The following SLC22A23 variants were observed in gnomAD, a reference collection of about 807,000 sequenced individuals.
SLC22A23 encodes the protein solute carrier family 22 member 23.
A neutral mutation model predicts 61.0 loss-of-function variants in SLC22A23; 26 were observed. The ratio of observed to expected loss-of-function variants is 0.43; its 90% CI spans 0.31 to 0.59. The LOEUF (loss-of-function observed/expected upper bound fraction) is 0.59, where lower values mean the gene tolerates loss of function less well. Ranked by LOEUF, SLC22A23 falls within the 20% of genes least tolerant of loss-of-function variation. The probability of loss-of-function intolerance (pLI) is 0.11; values close to 1 mark genes in which losing one functional copy is unlikely to be tolerated. For synonymous variants in SLC22A23, 430 were observed against 413.9 expected (o/e 1.04, Z -0.47); for missense variants, 796 against 934.7 (o/e 0.85, Z 1.94).
chr6:3,295,001 A>G (rs1760946516), intron 5 of SLC22A23, among the ~76,000 whole-genome samples: 1 of 152,200 alleles, frequency 6.6e-6, no homozygotes, highest in African/African-American at 2.4e-5. Context: ...TGCAACCGCA[A>G]TCCTAACCCT....
chr6:3,302,413 G>T (rs572524751), intron 4 of SLC22A23, among the ~76,000 whole-genome samples: 5 of 152,116 alleles, frequency 3.3e-5, no homozygotes, highest in Non-Finnish European at 5.9e-5. Flanking sequence ...CTATGGTTTT[G>T]TTAGTCTCAA....
At chr6:3,310,355 C>A (rs1300294186) in intron 4 of SLC22A23, among the ~76,000 whole-genome samples, 1 of 72,376 alleles carries the variant, frequency 1.4e-5, no homozygotes, top group Non-Finnish European at 3.3e-5. Context: ...CCAGGGAGCA[C>A]CCTGTCTCCC....
chr6:3,283,622 C>A (rs937623635), intron 9 of SLC22A23: 6 of 530,870 alleles, frequency 1.1e-5, no homozygotes, highest in Non-Finnish European at 2.0e-5. Context: ...GCTCCCTGTT[C>A]CCCCTTCCTC....
rs555332010 is a variant in SLC22A23 at position 3,318,097 on chromosome 6, C to G, written c.1082+5737G>C. Among the ~76,000 whole-genome samples the G allele has an allele frequency of 5.3e-5, 8 of 152,190 alleles. No individual in the cohort carries two copies. The South Asian group carries it at 1.7e-3, about 32-fold the overall frequency. The stretch of plus-strand genomic sequence containing the variant: ...GTCTCTGGGTGCATCATGCTGCTGC[C>G]ACCTTTTCCTGGCCAGCGTCTCCAC... On this transcript the variant is annotated intron_variant, in intron 4 of 9. Coordinates refer to ENST00000406686, the MANE Select transcript of SLC22A23 (RefSeq NM_015482.2). This position sits in a 1 kb window ranked among gnomAD's most constrained non-coding sequence, Gnocchi z 4.3.
At chr6:3,440,599 C>T (rs558310417) in intron 1 of SLC22A23, among the ~76,000 whole-genome samples, 12 of 151,280 alleles carry the variant, frequency 7.9e-5, no homozygotes, top group East Asian at 5.9e-4. Flanking sequence ...CCCAGCTACT[C>T]GGGAGGCTGA....
intron 3 of SLC22A23, among the ~76,000 whole-genome samples, chr6:3,349,369 C>T (rs1269311193): frequency 1.3e-5 from 2 of 152,186 alleles, no homozygotes; most frequent in Non-Finnish European, 2.9e-5. Flanking sequence ...ATCCCACCTA[C>T]CCGAGGACTC....
chr6:3,395,396 C>T (rs1006188547), intron 3 of SLC22A23, among the ~76,000 whole-genome samples: 11 of 152,224 alleles, frequency 7.2e-5, no homozygotes, highest in Admixed American at 5.9e-4. Context: ...CAGGGGACCA[C>T]AAGGACTGTG....
At chr6:3,419,438 G>C (rs1354944949) in intron 1 of SLC22A23, among the ~76,000 whole-genome samples, 5 of 152,178 alleles carry the variant, frequency 3.3e-5, no homozygotes, top group African/African-American at 4.8e-5. Context: ...ATGTGATTTT[G>C]GTCCTGCCAA....
intron 1 of SLC22A23, chr6:3,439,213 T>G (rs1028889250): frequency 2.4e-5 from 9 of 371,984 alleles, no homozygotes; most frequent in African/African-American, 4.2e-5. Flanking sequence ...AGTAGCACCC[T>G]CCCCCCATGC....
intron 3 of SLC22A23, among the ~76,000 whole-genome samples, chr6:3,351,014 CTT>C (rs1764737707): frequency 6.6e-6 from 1 of 151,782 alleles, no homozygotes; most frequent in African/African-American, 2.4e-5. Flanking sequence ...AATTTACTAA[CTT>C]ATAATGGTGA....
rs1763452251 is a variant in SLC22A23 at position 3,329,283 on chromosome 6, T to C, written c.914-5281A>G. Reference sequence around the variant, plus strand: ...TGAAAAAAAAAGGCCCATCCTCCCATAATGCACAAATGAATAAAACACAAC... The same window carrying C: ...TGAAAAAAAAAGGCCCATCCTCCCACAATGCACAAATGAATAAAACACAAC... On this transcript the variant is annotated intron_variant, in intron 3 of 9. Transcript: ENST00000406686. This position sits in a 1 kb window ranked among gnomAD's most constrained non-coding sequence, Gnocchi z 4.8. Among the ~76,000 whole-genome samples the C allele has an allele frequency of 6.6e-6, 1 of 152,076 alleles. No individual in the cohort carries two copies. Among genetic ancestry groups the C allele is most frequent in the South Asian group, 2.1e-4 (1 of 4,822 alleles).
chr6:3,381,768 A>G (rs781706472), intron 3 of SLC22A23, among the ~76,000 whole-genome samples: 4 of 152,198 alleles, frequency 2.6e-5, no homozygotes, highest in Non-Finnish European at 5.9e-5. Context: ...AGTGCACAGT[A>G]AAGTCCCTAG....
chr6:3,382,760 A>C (rs944098213), intron 3 of SLC22A23, among the ~76,000 whole-genome samples: 1 of 152,222 alleles, frequency 6.6e-6, no homozygotes, highest in African/African-American at 2.4e-5. Context: ...GCAAAGCCTA[A>C]AATATTTGCC....
At chr6:3,314,434 C>A (rs1409840791) in intron 4 of SLC22A23, among the ~76,000 whole-genome samples, 2 of 152,226 alleles carry the variant, frequency 1.3e-5, no homozygotes, top group Non-Finnish European at 2.9e-5. Flanking sequence ...GTCAGCAACA[C>A]CGCATCTCTC....
Position 3,323,987 on chromosome 6 carries a change from G to T in SLC22A23, c.929C>A (p.Pro310His), listed in dbSNP as rs1240954561. ...CGTAATCATGAACCGTTTTCCAGGG[G>T]GGCACAGCTCTATTCCTAGAACACA... ...TLYALRIELC[P>H]PGKRFMITMV... The change falls in exon 4 of 10, where the codon CCC (proline) becomes CAC (histidine). Residue 310 changes from proline to histidine, a missense_variant. Pro to His is a moderately conservative substitution (Grantham distance 77). Coordinates refer to ENST00000406686, the MANE Select transcript of SLC22A23 (RefSeq NM_015482.2). The T allele has an allele frequency of 1.2e-6, 2 of 1,614,158 alleles. No homozygotes were observed. Among genetic ancestry groups the T allele is most frequent in the Non-Finnish European group, 1.7e-6 (2 of 1,180,008 alleles).
intron 3 of SLC22A23, among the ~76,000 whole-genome samples, chr6:3,362,603 C>T (rs897670267): frequency 2.6e-5 from 4 of 151,924 alleles, no homozygotes; most frequent in African/African-American, 9.7e-5. Flanking sequence ...CCCCCCATCC[C>T]ATCTCCTTAG....
intron 4 of SLC22A23, among the ~76,000 whole-genome samples, chr6:3,307,125 C>T (rs947673332): frequency 2.0e-5 from 3 of 152,192 alleles, no homozygotes; most frequent in Non-Finnish European, 2.9e-5. Flanking sequence ...CATACGGCAG[C>T]GCTACGACAT....
chr6:3,404,311 T>C (rs904166755), intron 3 of SLC22A23, among the ~76,000 whole-genome samples: 1 of 152,214 alleles, frequency 6.6e-6, no homozygotes, highest in African/African-American at 2.4e-5. Context: ...TGCACAGACT[T>C]CTGGACAGAA....
Position 3,415,786 on chromosome 6 carries a change from A to G in SLC22A23, c.724T>C (p.Phe242Leu), listed in dbSNP as rs182864836. ...ATGCATCCAGTTATTAGGTAGCCAA[A>G]GATTAATCCAACCAGTAAGGAGAAC... ...AKFSLLVGLI[F>L]GYLITGCIAD... Residue 242 changes from phenylalanine (F) to leucine (L), a missense_variant, in exon 2 of 10, where the codon TTT (phenylalanine) becomes CTT (leucine). Transcript: ENST00000406686. 2 of 1,551,980 alleles carry G rather than the reference A, an allele frequency of 1.3e-6. No homozygotes were observed. The highest frequency in any genetic ancestry group is 2.7e-5 in the African/African-American group (2 of 73,166).
Sources: gnomAD v4.1 joint callset for allele counts (sites outside exome capture counted in the v4.1 genomes callset) on GRCh38, gnomAD v4.1.1 for gene constraint, Gnocchi (gnomAD v3.1) non-coding constraint, MANE v1.5 for transcripts, NCBI Gene and HGNC (gene_info 2026-07-23, HGNC 2026-07-21) for gene names.